The following NOP14 variants were observed in gnomAD, a reference collection of about 807,000 sequenced individuals.
NOP14 encodes the protein nucleolar protein 14.
In NOP14, 57 loss-of-function variants were observed where a neutral mutation model predicts 101.6. That is an observed-to-expected ratio of 0.56 (90% CI 0.45 to 0.70). The LOEUF (loss-of-function observed/expected upper bound fraction) is 0.70, where lower values mean the gene tolerates loss of function less well. Ranked by LOEUF, NOP14 falls within the 30% of genes least tolerant of loss-of-function variation. NOP14 has a pLI of 0.00. For missense variants in NOP14, 1,134 were observed against 1,075.5 expected, an observed-to-expected ratio of 1.05 and a Z score of -0.76; for synonymous variants, 428 against 424.0, an observed-to-expected ratio of 1.01 and a Z score of -0.12.
intron 12 of NOP14, among the ~76,000 whole-genome samples, 171 bp from the exon 13 acceptor site, chr4:2,944,397 A>G (rs550462471): frequency 4.3e-4 from 64 of 148,126 alleles, no homozygotes; most frequent in African/African-American, 1.5e-3. Context: ...AAAACAAGAT[A>G]AAGAGCTTTA....
At chr4:2,962,844 G>A (rs1388861829) in intron 1 of NOP14, among the ~76,000 whole-genome samples, 2 of 152,208 alleles carry the variant, frequency 1.3e-5, no homozygotes, top group Non-Finnish European at 2.9e-5. Context: ...TTAACAAGCA[G>A]CTTGGTCCAG....
chr4:2,953,412 G>C, intron 5 of NOP14, 99 bp downstream of exon 5: 1 of 1,321,406 alleles, frequency 7.6e-7, no homozygotes. Flanking sequence ...CCCTAAAGGA[G>C]ACAGGTAGAA....
At chr4:2,945,850 G>A (rs1248379203) in intron 11 of NOP14, among the ~76,000 whole-genome samples, 3 of 152,174 alleles carry the variant, frequency 2.0e-5, no homozygotes, top group South Asian at 2.1e-4. Context: ...CTCCCTGCAC[G>A]ACCCACACGT....
chr4:2,944,684 G>A (rs1462872498), intron 12 of NOP14, among the ~76,000 whole-genome samples: 1 of 152,236 alleles, frequency 6.6e-6, no homozygotes, highest in Non-Finnish European at 1.5e-5. Context: ...TGGGATTACA[G>A]GCGTGAGCCA....
At chr4:2,954,642 G>A (rs2109309601) in intron 3 of NOP14, 79 bp from the exon 4 acceptor site, 1 of 1,527,236 alleles carries the variant, frequency 6.5e-7, no homozygotes, top group Non-Finnish European at 8.8e-7. Context: ...CTCTGCCAGT[G>A]CTTCCCCCAT....
At chr4:2,954,680 A>G (rs573114942) in intron 3 of NOP14, 117 bp from the exon 4 acceptor site, 35 of 1,267,940 alleles carry the variant, frequency 2.8e-5, no homozygotes, top group Non-Finnish European at 3.5e-5. Flanking sequence ...CACATTTGAG[A>G]AAAAAATGCT....
chr4:2,948,226 T>G lies in NOP14; in HGVS notation c.1413+52A>C, dbSNP rs1234169426. On this transcript the variant is annotated intron_variant, in intron 9 of 17. Coordinates refer to ENST00000416614, the MANE Select transcript of NOP14 (RefSeq NM_001291978.2). Reference sequence around the variant, plus strand: ...ACTTCACACAATTCTGGCATTCATATACGGGGCTATGCTGACACTCCCAGC... The same window carrying G: ...ACTTCACACAATTCTGGCATTCATAGACGGGGCTATGCTGACACTCCCAGC... 6.5e-6 allele frequency: 10 copies of G among 1,528,364 alleles called. No individual in the cohort carries two copies. In the African/African-American group the frequency reaches 1.4e-4, roughly 22 times the overall value. The allele number at this position is 1,528,364 out of a possible 1,614,324, so 94.7% of individuals were successfully genotyped here.
intron 3 of NOP14, 139 bp from the exon 4 acceptor site, chr4:2,954,702 G>T: frequency 2.8e-6 from 3 of 1,052,756 alleles, no homozygotes; most frequent in South Asian, 1.7e-5. Flanking sequence ...ACACGCAACA[G>T]CCTGGCCTGA....
At chr4:2,950,468 G>T in intron 7 of NOP14, 1 of 543,534 alleles carries the variant, frequency 1.8e-6, no homozygotes, top group Admixed American at 3.1e-5. Flanking sequence ...GCTTTTGCCA[G>T]GGAGCAGCAT....
chr4:2,940,040 A>G (rs550463965), intron 15 of NOP14, among the ~76,000 whole-genome samples: 67 of 152,332 alleles, frequency 4.4e-4, no homozygotes, highest in South Asian at 3.3e-3. Flanking sequence ...CTTCGTGAGA[A>G]GGCTCACAGG....
rs1221457915 is a variant in NOP14 at position 2,954,482 on chromosome 4, T to A, written c.554A>T (p.Lys185Ile). 1.9e-6 allele frequency: 3 copies of A among 1,614,072 alleles called. No homozygotes were observed. The African/African-American group carries it at 4.0e-5, about 22-fold the overall frequency. Reference protein sequence around the residue: ...KTQQEGEEREKPKSRKELIEE... With the variant: ...KTQQEGEEREIPKSRKELIEE... Reference sequence around the variant, plus strand: ...AATCAGCTCTTTCCGGGACTTCGGTTTCTCCCGCTCCTCGCCTTCCTGTTG... The same window carrying A: ...AATCAGCTCTTTCCGGGACTTCGGTATCTCCCGCTCCTCGCCTTCCTGTTG... Residue 185 changes from lysine to isoleucine, a missense_variant, in exon 4 of 18, where the codon AAA (lysine) becomes ATA (isoleucine). Coordinates refer to ENST00000416614, the MANE Select transcript of NOP14 (RefSeq NM_001291978.2).
chr4:2,941,103 G>A (rs542971737), intron 15 of NOP14: 9 of 154,082 alleles, frequency 5.8e-5, no homozygotes, highest in South Asian at 1.8e-4. Context: ...GCAGGGAGGC[G>A]GGTAGGCCAT....
chr4:2,941,652 G>A lies in NOP14; in HGVS notation c.2129C>T (p.Ala710Val). 1 of 1,613,540 alleles carries A rather than the reference G, an allele frequency of 6.2e-7. No individual in the cohort carries two copies. Among genetic ancestry groups the A allele is most frequent in the Non-Finnish European group, 8.5e-7 (1 of 1,179,936 alleles). ...GAGGGCTTGGAGAGGCCCCATGATGGCGTGGAAGGATGGCAGGGACCCGTA... is the reference window on the plus strand; with the variant it reads ...GAGGGCTTGGAGAGGCCCCATGATGACGTGGAAGGATGGCAGGGACCCGTA... Reference protein sequence around the residue: ...LMYGSLPSFHAIMGPLQALLT... With the variant: ...LMYGSLPSFHVIMGPLQALLT... The change falls in exon 15 of 18, where the codon GCC becomes GTC. Residue 710 changes from alanine to valine, a missense_variant. Ala to Val is a moderately conservative substitution (Grantham distance 64). Coordinates refer to ENST00000416614, the MANE Select transcript of NOP14 (RefSeq NM_001291978.2).
chr4:2,942,221 G>A lies in NOP14; in HGVS notation c.2022C>T (p.Ala674=). The change falls in exon 14 of 18, where the codon GCC becomes GCT. Residue 674 remains alanine (A), a synonymous_variant. Coordinates refer to ENST00000416614, the MANE Select transcript of NOP14 (RefSeq NM_001291978.2). ...LSLRWASRLR[A]PTSTEANHIR... Reference sequence around the variant, plus strand: ...TGTGATTGGCCTCTGTCGAAGTTGGGGCCCTCAGTCTACTCGCCCAGCGGA... The same window carrying A: ...TGTGATTGGCCTCTGTCGAAGTTGGAGCCCTCAGTCTACTCGCCCAGCGGA... 6.2e-7 allele frequency: 1 copy of A among 1,614,110 alleles called. No homozygotes were observed. The highest frequency in any genetic ancestry group is 8.5e-7 in the Non-Finnish European group (1 of 1,179,992).
intron 13 of NOP14, among the ~76,000 whole-genome samples, chr4:2,943,421 G>A (rs537900969): frequency 6.6e-6 from 1 of 152,370 alleles, no homozygotes; most frequent in East Asian, 1.9e-4. Flanking sequence ...AGGCTGTGCA[G>A]CTCCTCACCC....
chr4:2,956,895 T>C (rs771381642), intron 2 of NOP14, 84 bp from the exon 3 acceptor site: 1 of 1,190,680 alleles, frequency 8.4e-7, no homozygotes, highest in East Asian at 2.5e-5. Context: ...TATATATATT[T>C]CCATTATATT....
In NOP14 at chr4:2,954,578, C is replaced by T. The variant is rs1183472926; in HGVS notation, c.473-15G>A. The T allele has an allele frequency of 1.2e-6, 2 of 1,612,900 alleles. No individual in the cohort carries two copies. The highest frequency in any genetic ancestry group is 8.5e-7 in the Non-Finnish European group (1 of 1,179,576). ...AGTCAGCTCAGCTGGGGGCAAAAGG[C>T]AGAAAACCCCACAGTGAAGCCCAGC... On this transcript the variant is annotated splice_polypyrimidine_tract_variant and intron_variant, in intron 3 of 17. Coordinates refer to ENST00000416614, the MANE Select transcript of NOP14 (RefSeq NM_001291978.2).
Position 2,958,094 on chromosome 4 carries a change from G to A in NOP14, c.196-354C>T, listed in dbSNP as rs188633675. On this transcript the variant is annotated intron_variant, in intron 1 of 17. Transcript: ENST00000416614. The stretch of plus-strand genomic sequence containing the variant: ...GTGCACATTTGGAAAAGTGGAAATG[G>A]GTTTAGACTCCTTCCGTCATGGAGG... Among the ~76,000 whole-genome samples, 15 of 152,236 alleles carry A rather than the reference G, an allele frequency of 9.9e-5. 1 individual carries two copies. The East Asian group carries it at 2.7e-3, about 27-fold the overall frequency.
intron 1 of NOP14, among the ~76,000 whole-genome samples, chr4:2,960,495 T>C (rs1200036634): frequency 6.6e-6 from 1 of 151,924 alleles, no homozygotes; most frequent in Non-Finnish European, 1.5e-5. Flanking sequence ...TTCTCTTTCT[T>C]TCTTAAACTA....
Sources: allele counts gnomAD v4.1 joint callset (sites outside exome capture counted in the v4.1 genomes callset), GRCh38; gene constraint gnomAD v4.1.1; transcripts MANE v1.5; gene names NCBI Gene and HGNC (gene_info 2026-07-23, HGNC 2026-07-21).